RARB: variants seen among roughly 807,000 people sequenced by gnomAD.
The protein encoded by RARB is HBV-activated protein.
In RARB, 17 loss-of-function variants were observed where a neutral mutation model predicts 51.9. The ratio of observed to expected loss-of-function variants is 0.33; its 90% CI spans 0.22 to 0.49. The LOEUF (loss-of-function observed/expected upper bound fraction) is 0.49, where lower values mean the gene tolerates loss of function less well. RARB is among the 20% of genes least tolerant of loss of function. The probability of loss-of-function intolerance (pLI) is 0.99; values close to 1 mark genes in which losing one functional copy is unlikely to be tolerated. For missense variants in RARB, 369 were observed against 550.8 expected (o/e 0.67, Z 3.30); for synonymous variants, 215 against 195.4 (o/e 1.10, Z -0.84).
chr3:24,984,788 T>C (rs915086637), intron 2 of RARB, among the ~76,000 whole-genome samples: 5 of 152,200 alleles, frequency 3.3e-5, no homozygotes, highest in Admixed American at 3.3e-4. Context: ...CAGGTTAATC[T>C]GCTTACTGTA....
At chr3:25,135,399 A>G (rs1288368173) in intron 4 of RARB, among the ~76,000 whole-genome samples, 2 of 151,922 alleles carry the variant, frequency 1.3e-5, no homozygotes, top group Non-Finnish European at 2.9e-5. Context: ...AAATAACCCC[A>G]TTTACCTGGA....
chr3:25,021,761 A>C (rs1264426079), intron 2 of RARB, among the ~76,000 whole-genome samples: 2 of 152,124 alleles, frequency 1.3e-5, no homozygotes, highest in South Asian at 2.1e-4. Flanking sequence ...ACTGAGTGCC[A>C]AAGAAACAGT....
intron 3 of RARB, among the ~76,000 whole-genome samples, chr3:25,077,325 C>A (rs1698890890): frequency 6.6e-6 from 1 of 152,136 alleles, no homozygotes; most frequent in Non-Finnish European, 1.5e-5. Context: ...AAATTTCCAT[C>A]CCTCTGGATG....
chr3:25,287,673 A>T (rs1310161326), intron 5 of RARB, among the ~76,000 whole-genome samples: 1 of 152,178 alleles, frequency 6.6e-6, no homozygotes, highest in East Asian at 1.9e-4. Flanking sequence ...TTGTCAACTG[A>T]TGCAATGCAT....
chr3:25,183,095 T>C (rs866497763), intron 5 of RARB, among the ~76,000 whole-genome samples: 8 of 152,294 alleles, frequency 5.3e-5, no homozygotes, highest in Middle Eastern at 3.4e-3. Context: ...AGAAAACTGA[T>C]ACAGGGACCA....
intron 5 of RARB, among the ~76,000 whole-genome samples, chr3:25,250,277 G>C (rs569869610): frequency 5.3e-5 from 8 of 152,196 alleles, no homozygotes; most frequent in African/African-American, 7.2e-5. Flanking sequence ...TGCAGGGCCA[G>C]CCTGTGTGGG....
chr3:25,263,054 G>C (rs1156607647), intron 5 of RARB, among the ~76,000 whole-genome samples: 1 of 152,116 alleles, frequency 6.6e-6, no homozygotes, highest in Non-Finnish European at 1.5e-5. Flanking sequence ...GACCCCTCTA[G>C]GGATCAGCAC....
intron 3 of RARB, among the ~76,000 whole-genome samples, chr3:25,079,183 T>A (rs73034767): frequency 0.032 from 4,818 of 152,274 alleles, 112 homozygotes; most frequent in Non-Finnish European, 0.047. Flanking sequence ...AATTTCTAAT[T>A]ATTTCTAATA....
At chr3:25,036,452 A>G (rs1024880167) in intron 2 of RARB, among the ~76,000 whole-genome samples, 2 of 152,234 alleles carry the variant, frequency 1.3e-5, no homozygotes, top group African/African-American at 2.4e-5. Context: ...GAAAAGAAAC[A>G]ACTAGACTAA....
chr3:25,522,984 C>T (rs1378391060), intron 3 of RARB, among the ~76,000 whole-genome samples: 2 of 152,148 alleles, frequency 1.3e-5, no homozygotes, highest in African/African-American at 4.8e-5. Flanking sequence ...TTCTGTTGGT[C>T]ACAAGGGCTC....
At chr3:25,371,326 G>A (rs1342706206) in intron 5 of RARB, among the ~76,000 whole-genome samples, 1 of 152,148 alleles carries the variant, frequency 6.6e-6, no homozygotes, top group African/African-American at 2.4e-5. Context: ...GACAAGGCTT[G>A]GGGGAGGGTA....
At chr3:25,337,282 A>C (rs1705092035) in intron 5 of RARB, among the ~76,000 whole-genome samples, 1 of 152,208 alleles carries the variant, frequency 6.6e-6, no homozygotes, top group Non-Finnish European at 1.5e-5. Flanking sequence ...ATGGATCAAC[A>C]ATAATTTAAA....
chr3:24,899,815 T>A (rs1031101827), intron 2 of RARB, among the ~76,000 whole-genome samples: 1 of 152,242 alleles, frequency 6.6e-6, no homozygotes, highest in African/African-American at 2.4e-5. Flanking sequence ...ATGTGACTTC[T>A]GCTTTGTACC....
intron 2 of RARB, among the ~76,000 whole-genome samples, chr3:25,016,953 A>C (rs1697522525): frequency 6.6e-6 from 1 of 152,164 alleles, no homozygotes; most frequent in Non-Finnish European, 1.5e-5. Context: ...TTTTAGGAGA[A>C]GTTAACACAT....
At chr3:25,570,279 T>G (rs1044357913) in intron 4 of RARB, among the ~76,000 whole-genome samples, 1 of 152,216 alleles carries the variant, frequency 6.6e-6, no homozygotes, top group Non-Finnish European at 1.5e-5. Context: ...AGGAAACAAG[T>G]AAAGCCAGTG....
rs562220940 is a variant in RARB at position 25,242,021 on chromosome 3, G to A, written c.178+67446G>A. On this transcript the variant is annotated intron_variant, in intron 5 of 11. Coordinates refer to the RARB transcript ENST00000383772. ...TCACCACTTTAACTGGCGTGAGATG[G>A]TATCTCATTGTGGTTTTGATTTGCA... Among the ~76,000 whole-genome samples the A allele has an allele frequency of 1.6e-4, 24 of 152,274 alleles. 1 individual carries two copies. In the East Asian group the frequency reaches 4.4e-3, roughly 28 times the overall value.
rs10713675 is a variant in RARB, at chr3:25,293,597, TAAAAAAA to T, written c.178+119037_178+119043del. ...TTCCCGAGGCTAGAGTTACTCCATT[TAAAAAAA>T]AAAAAAAAAAAAAAGTTCAGAGATA... On this transcript the variant is annotated intron_variant, in intron 5 of 11. Transcript: ENST00000383772. Among the ~76,000 whole-genome samples, 4 of 68,660 alleles carry T rather than the reference TAAAAAAA, an allele frequency of 5.8e-5. 1 individual carries two copies. Among genetic ancestry groups the T allele is most frequent in the East Asian group, 8.3e-4 (1 of 1,210 alleles). 45.0% of individuals were successfully genotyped at this position (68,660 alleles called of 152,430 possible).
intron 2 of RARB, among the ~76,000 whole-genome samples, chr3:25,472,974 T>A (rs1415505597): frequency 2.0e-5 from 3 of 152,172 alleles, no homozygotes; most frequent in Admixed American, 1.3e-4. Flanking sequence ...TGGAAACAGA[T>A]CACTCCATGG....
rs1038382201 is a variant in RARB, at chr3:25,065,837, A to G, written c.-328+5661A>G. Among the ~76,000 whole-genome samples, 7 of 152,328 alleles carry G rather than the reference A, an allele frequency of 4.6e-5. No individual in the cohort carries two copies. The South Asian group carries it at 6.2e-4, about 14-fold the overall frequency. ...CCATTGGCTCTGATCCTGATGGGGA[A>G]GGAAGCCACTGTTACCTGGTATATC... On this transcript the variant is annotated intron_variant, in intron 3 of 11. Transcript: ENST00000383772.
Sources: gnomAD v4.1 joint callset for allele counts (sites outside exome capture counted in the v4.1 genomes callset) on GRCh38, gnomAD v4.1.1 for gene constraint, MANE v1.5 for transcripts, NCBI Gene and HGNC (gene_info 2026-07-23, HGNC 2026-07-21) for gene names.